The following SMOC2 variants were observed in gnomAD, a reference collection of about 807,000 sequenced individuals.
SMOC2 encodes the protein SPARC-related modular calcium-binding protein 2.
Under a neutral mutation model 61.4 loss-of-function variants are expected in SMOC2, and 39 were observed. The ratio of observed to expected loss-of-function variants is 0.64; its 90% CI spans 0.49 to 0.83. SMOC2 has a LOEUF of 0.83. Ranked by LOEUF, SMOC2 falls within the 40% of genes least tolerant of loss-of-function variation. The pLI is 0.00. For missense variants in SMOC2, 556 were observed against 592.9 expected (o/e 0.94, Z 0.65); for synonymous variants, 247 against 239.9 (o/e 1.03, Z -0.27).
Position 168,605,152 on chromosome 6 carries a change from A to G in SMOC2, c.825-3005A>G, listed in dbSNP as rs1785654634. 2.0e-5 allele frequency among the ~76,000 whole-genome samples: 3 copies of G among 152,146 alleles called. No individual in the cohort carries two copies. In the South Asian group the frequency reaches 6.2e-4, roughly 32 times the overall value. On this transcript the variant is annotated intron_variant, in intron 8 of 12. Coordinates refer to ENST00000356284, the MANE Select transcript of SMOC2 (RefSeq NM_001166412.2). Reference sequence around the variant, plus strand: ...CAGATTCTGCATTCATGCCCAGAACAGAGAGGCTGATGAAGCCTTTGTCTG... The same window carrying G: ...CAGATTCTGCATTCATGCCCAGAACGGAGAGGCTGATGAAGCCTTTGTCTG...
intron 7 of SMOC2, among the ~76,000 whole-genome samples, chr6:168,556,780 C>T (rs1431984712): frequency 1.7e-5 from 2 of 119,856 alleles, no homozygotes; most frequent in Non-Finnish European, 3.2e-5. Context: ...GTGTGATATT[C>T]CCCTTCCTGT....
intron 1 of SMOC2, among the ~76,000 whole-genome samples, chr6:168,488,593 G>T (rs1464091631): frequency 6.6e-6 from 1 of 152,196 alleles, no homozygotes; most frequent in African/African-American, 2.4e-5. Flanking sequence ...TAACATTTTC[G>T]CAGGAGGCAG....
At chr6:168,615,284 G>A (rs1246690674) in intron 9 of SMOC2, among the ~76,000 whole-genome samples, 46 of 67,204 alleles carry the variant, frequency 6.8e-4, no homozygotes, top group Admixed American at 1.0e-3. Context: ...CAGCCAGCAT[G>A]GGGCCTCTTC....
chr6:168,664,521 TTCAAGCAATTG>T (rs1787607809), intron 12 of SMOC2: 3 of 390,256 alleles, frequency 7.7e-6, no homozygotes, highest in Admixed American at 3.7e-5. Flanking sequence ...GCTGAATTTT[TTCAAGCAATTG>T]TCTGAGTGTT....
intron 1 of SMOC2, among the ~76,000 whole-genome samples, chr6:168,504,914 T>TGCGG (rs1782826873): frequency 6.6e-6 from 1 of 151,880 alleles, no homozygotes; most frequent in Non-Finnish European, 1.5e-5. Flanking sequence ...TCTTAAAGAC[T>TGCGG]GGGAGCAAGA....
At chr6:168,445,583 G>C (rs1375352047) in intron 1 of SMOC2, among the ~76,000 whole-genome samples, 1 of 152,148 alleles carries the variant, frequency 6.6e-6, no homozygotes, top group Non-Finnish European at 1.5e-5. Flanking sequence ...TTTTGATATA[G>C]TTCTCACTCA....
chr6:168,543,745 T>TA, intron 5 of SMOC2, 73 bp downstream of exon 5: 1 of 1,432,426 alleles, frequency 7.0e-7, no homozygotes, highest in Non-Finnish European at 9.7e-7. Flanking sequence ...CTTCTCAAGT[T>TA]AAAGTTGAAA....
intron 9 of SMOC2, among the ~76,000 whole-genome samples, chr6:168,608,441 G>A (rs1455624753): frequency 6.6e-6 from 1 of 152,220 alleles, no homozygotes. Context: ...CACCTGGGGG[G>A]CTTCCTCCCT....
chr6:168,564,610 G>T (rs978630113), intron 7 of SMOC2, among the ~76,000 whole-genome samples: 2 of 152,202 alleles, frequency 1.3e-5, no homozygotes, highest in African/African-American at 4.8e-5. Flanking sequence ...GGCACATTCT[G>T]TCATACTGGA....
chr6:168,614,348 C>T (rs1449389507), intron 9 of SMOC2, among the ~76,000 whole-genome samples: 1 of 83,962 alleles, frequency 1.2e-5, no homozygotes, highest in Admixed American at 1.4e-4. Context: ...CAGCACAGGA[C>T]CTCTTCATAC....
chr6:168,484,020 C>T (rs186370738), intron 1 of SMOC2, among the ~76,000 whole-genome samples: 4 of 152,210 alleles, frequency 2.6e-5, no homozygotes, highest in Non-Finnish European at 4.4e-5. Context: ...AGCTTCACAC[C>T]GTTAGATCTG....
intron 2 of SMOC2, among the ~76,000 whole-genome samples, chr6:168,511,150 C>CT (rs1782998103): frequency 6.6e-6 from 1 of 152,158 alleles, no homozygotes; most frequent in African/African-American, 2.4e-5. Flanking sequence ...TATATATCAT[C>CT]TAAGTGTGTG....
At chr6:168,664,254 G>A (rs1787595937) in intron 12 of SMOC2, 143 bp downstream of exon 12, 2 of 726,830 alleles carry the variant, frequency 2.8e-6, no homozygotes, top group Middle Eastern at 2.3e-4. Context: ...CAAGCTTACT[G>A]ACTACACCCT....
intron 9 of SMOC2, among the ~76,000 whole-genome samples, chr6:168,631,545 C>A (rs919941058): frequency 1.3e-5 from 2 of 152,186 alleles, no homozygotes; most frequent in Non-Finnish European, 2.9e-5. Flanking sequence ...ATGGGCTGTG[C>A]TGCAGACATG....
At chr6:168,489,845 C>G (rs1048311244) in intron 1 of SMOC2, among the ~76,000 whole-genome samples, 8 of 148,330 alleles carry the variant, frequency 5.4e-5, no homozygotes, top group Non-Finnish European at 1.2e-4. Flanking sequence ...TGAAATATAT[C>G]GAATCATCTG....
At chr6:168,595,745 T>C (rs9456229) in intron 7 of SMOC2, among the ~76,000 whole-genome samples, 36,634 of 152,234 alleles carry the variant, frequency 0.24, 4,588 homozygotes, top group South Asian at 0.28. Context: ...CTTCTGACTC[T>C]GCTCTAATAT....
At chr6:168,536,953 C>T (rs1202962093) in intron 4 of SMOC2, among the ~76,000 whole-genome samples, 1 of 152,072 alleles carries the variant, frequency 6.6e-6, no homozygotes, top group Non-Finnish European at 1.5e-5. Flanking sequence ...CTGGCAGGGT[C>T]GGGGCAGCAG....
chr6:168,505,193 GAT>G, intron 1 of SMOC2, among the ~76,000 whole-genome samples: 1 of 120,254 alleles, frequency 8.3e-6, no homozygotes, highest in African/African-American at 3.2e-5. Context: ...CTGTCTCTCA[GAT>G]GCTGGATGAA....
chr6:168,574,252 C>T (rs1784740857), intron 7 of SMOC2, among the ~76,000 whole-genome samples: 1 of 152,206 alleles, frequency 6.6e-6, no homozygotes, highest in Non-Finnish European at 1.5e-5. Context: ...TGAGCATGCT[C>T]ATGGGCAGGG....
Sources: gnomAD v4.1 joint callset for allele counts (sites outside exome capture counted in the v4.1 genomes callset) on GRCh38, gnomAD v4.1.1 for gene constraint, MANE v1.5 for transcripts, NCBI Gene and HGNC (gene_info 2026-07-23, HGNC 2026-07-21) for gene names.